The following CACNA1C variants were observed in gnomAD, a reference collection of about 807,000 sequenced individuals.
CACNA1C encodes calcium voltage-gated channel subunit alpha1 C.
In CACNA1C, 30 loss-of-function variants were observed where a neutral mutation model predicts 229.0. The observed-to-expected ratio is 0.13, with a 90% CI of 0.10 to 0.18. CACNA1C has a LOEUF of 0.18. CACNA1C is among the 10% of genes least tolerant of loss of function. The pLI, the probability that CACNA1C is intolerant of heterozygous loss-of-function variation, is 1.00. For synonymous variants in CACNA1C, 1,114 were observed against 1,132.5 expected (o/e 0.98, Z 0.33); for missense variants, 1,658 against 2,845.0 (o/e 0.58, Z 9.49).
chr12:2,037,533 G>A (rs562048129), intron 1 of CACNA1C, among the ~76,000 whole-genome samples: 1 of 152,296 alleles, frequency 6.6e-6, no homozygotes, highest in East Asian at 1.9e-4. Flanking sequence ...GGGGAGAAAA[G>A]GGTCAGAATG....
rs775571017 is a variant in CACNA1C, at chr12:2,585,466, G to T, written c.2430G>T (p.Thr810=). ...KEEKIELKSI[T]ADGESPPATK... ...AGAAGATTGAGCTGAAATCCATCAC[G>T]GCTGACGGAGAGTCTCCACCCGCCA... Residue 810 remains threonine, a synonymous_variant, in exon 17 of 47, where the codon ACG becomes ACT. Transcript: ENST00000399655. This position sits in a 1 kb window ranked among gnomAD's most constrained non-coding sequence, Gnocchi z 4.1. 4 of 1,577,408 alleles carry T rather than the reference G, an allele frequency of 2.5e-6. No individual in the cohort carries two copies. Among genetic ancestry groups the T allele is most frequent in the Non-Finnish European group, 3.4e-6 (4 of 1,160,792 alleles).
chr12:2,246,016 C>CA (rs2073039263), intron 3 of CACNA1C, among the ~76,000 whole-genome samples: 2 of 152,206 alleles, frequency 1.3e-5, no homozygotes, highest in Admixed American at 1.3e-4. Flanking sequence ...AACCTCAGTA[C>CA]CCTAACTTTG....
At chr12:2,586,900 A>T (rs534827005) in intron 18 of CACNA1C, among the ~76,000 whole-genome samples, 1 of 152,226 alleles carries the variant, frequency 6.6e-6, no homozygotes, top group African/African-American at 2.4e-5. Flanking sequence ...TATGCCCGGC[A>T]TTAAGGCTTT....
At chr12:2,538,455 C>T (rs1442209885) in intron 9 of CACNA1C, among the ~76,000 whole-genome samples, 1 of 152,004 alleles carries the variant, frequency 6.6e-6, no homozygotes, top group East Asian at 1.9e-4. Flanking sequence ...TTTCTCTTCT[C>T]TTTTTCTCTC....
chr12:2,457,070 AC>A (rs1187514149), intron 4 of CACNA1C, among the ~76,000 whole-genome samples: 1 of 152,042 alleles, frequency 6.6e-6, no homozygotes, highest in Non-Finnish European at 1.5e-5. Flanking sequence ...CGCAGCACGC[AC>A]CTCCTGAGCA....
chr12:2,672,489 T>A (rs1349203012), intron 38 of CACNA1C, among the ~76,000 whole-genome samples: 1 of 152,162 alleles, frequency 6.6e-6, no homozygotes, highest in East Asian at 1.9e-4. Context: ...AACTAAGGTG[T>A]CAGCAGAGTT....
In CACNA1C at chr12:2,688,659, C is replaced by G. The variant is rs1291561787; in HGVS notation, c.5997C>G (p.Thr1999=). Residue 1999 remains threonine, a synonymous_variant, in exon 46 of 47, where the codon ACC becomes ACG. Coordinates refer to ENST00000399655, the MANE Select transcript of CACNA1C (RefSeq NM_000719.7). ...ACTGCGGCTCCTGGGCTGAGACCAC[C>G]CCCGGTGGCGGGGGCAGCAGCGCCG... ...SIHCGSWAET[T]PGGGGSSAAR... is the part of the protein sequence containing the mutation. 23 of 1,613,584 alleles carry G rather than the reference C, an allele frequency of 1.4e-5. No individual in the cohort carries two copies. Among genetic ancestry groups the G allele is most frequent in the Non-Finnish European group, 1.6e-5 (19 of 1,179,828 alleles).
Position 1,989,207 on chromosome 12 carries a change from G to A in CACNA1C, c.139+18006G>A, listed in dbSNP as rs540689225. 2.0e-5 allele frequency among the ~76,000 whole-genome samples: 3 copies of A among 152,288 alleles called. No individual in the cohort carries two copies. In the South Asian group the frequency reaches 6.2e-4, roughly 32 times the overall value. On this transcript the variant is annotated intron_variant, in intron 1 of 46. Transcript: ENST00000682462. ...GAAACCAGCCTGGGAAACACAGCAA[G>A]ATCCTGTCTCTAAAAAGGTTGTTTT...
intron 11 of CACNA1C, among the ~76,000 whole-genome samples, chr12:2,558,822 A>T (rs1482293782): frequency 6.6e-6 from 1 of 152,210 alleles, no homozygotes; most frequent in East Asian, 1.9e-4. Flanking sequence ...TAGGACTGGA[A>T]AATACAGGCT....
At position 2,689,601 on chromosome 12, in the gene CACNA1C, C is replaced by T. The variant is rs1431905058; in HGVS notation, c.6117+822C>T. ...GTGAGCCCCCCATCATCAGACATAG[C>T]CAAGCAGAGACTGTGCTCATCCGGG... is the stretch of plus-strand genomic sequence containing the variant. On this transcript the variant is annotated intron_variant, in intron 46 of 46. Coordinates refer to ENST00000399655, the MANE Select transcript of CACNA1C (RefSeq NM_000719.7). This position sits in a 1 kb window ranked among gnomAD's most constrained non-coding sequence, Gnocchi z 4.2. Among the ~76,000 whole-genome samples the T allele has an allele frequency of 2.6e-5, 4 of 151,978 alleles. No homozygotes were observed. Among genetic ancestry groups the T allele is most frequent in the Non-Finnish European group, 5.9e-5 (4 of 68,024 alleles).
chr12:2,082,585 T>C (rs1260122006), intron 1 of CACNA1C, among the ~76,000 whole-genome samples: 1 of 152,134 alleles, frequency 6.6e-6, no homozygotes, highest in Admixed American at 6.5e-5. Flanking sequence ...CACACCTGCC[T>C]TTACCATCTG....
intron 3 of CACNA1C, among the ~76,000 whole-genome samples, chr12:2,379,555 T>G (rs1211388616): frequency 6.6e-6 from 1 of 151,880 alleles, no homozygotes; most frequent in East Asian, 1.9e-4. Flanking sequence ...CTCCTAGGAG[T>G]GTGAGGCTGT....
intron 7 of CACNA1C, among the ~76,000 whole-genome samples, chr12:2,500,698 T>C (rs2099757537): frequency 6.6e-6 from 1 of 152,150 alleles, no homozygotes; most frequent in Non-Finnish European, 1.5e-5. Flanking sequence ...CTGCCACTCT[T>C]GATCCCCTGA....
chr12:2,330,716 C>G (rs1436268867), intron 3 of CACNA1C, among the ~76,000 whole-genome samples: 1 of 152,160 alleles, frequency 6.6e-6, no homozygotes, highest in Admixed American at 6.5e-5. Context: ...CTAAAAACAA[C>G]AATGATAAAT....
chr12:2,665,969 C>T lies in CACNA1C; in HGVS notation c.4526+261C>T, dbSNP rs2096069497. ...TTTTAGAAGGCAAAGGTGGTTGAAT[C>T]ACTCGAGGCCAGGAGTTCAAGACCA... On this transcript the variant is annotated intron_variant, in intron 36 of 46. Coordinates refer to ENST00000399655, the MANE Select transcript of CACNA1C (RefSeq NM_000719.7). This position sits in a 1 kb window ranked among gnomAD's most constrained non-coding sequence, Gnocchi z 5.9. Among the ~76,000 whole-genome samples, 1 of 152,146 alleles carries T rather than the reference C, an allele frequency of 6.6e-6. No homozygotes were observed. The highest frequency in any genetic ancestry group is 6.5e-5 in the Admixed American group (1 of 15,280).
intron 8 of CACNA1C, among the ~76,000 whole-genome samples, chr12:2,505,365 A>G (rs776752357): frequency 6.6e-6 from 1 of 152,172 alleles, no homozygotes; most frequent in South Asian, 2.1e-4. Flanking sequence ...CCTTTTCTGA[A>G]TGGAAAGGAC....
intron 3 of CACNA1C, among the ~76,000 whole-genome samples, chr12:2,419,583 G>T (rs1256204837): frequency 6.6e-6 from 1 of 152,144 alleles, no homozygotes; most frequent in Non-Finnish European, 1.5e-5. Flanking sequence ...CATCAAATTA[G>T]ACTCGTTAGG....
chr12:2,289,740 G>T (rs921144674), intron 3 of CACNA1C, among the ~76,000 whole-genome samples: 2 of 152,042 alleles, frequency 1.3e-5, no homozygotes, highest in African/African-American at 2.4e-5. Flanking sequence ...GCTGCCGATG[G>T]GTACACACCG....
At chr12:2,606,016 C>G (rs1335078647) in intron 24 of CACNA1C, among the ~76,000 whole-genome samples, 3 of 152,224 alleles carry the variant, frequency 2.0e-5, no homozygotes, top group Non-Finnish European at 1.5e-5. Context: ...TTCACCTGCC[C>G]TTGAGGTCAC....
Sources: gnomAD v4.1 joint callset for allele counts (sites outside exome capture counted in the v4.1 genomes callset) on GRCh38, gnomAD v4.1.1 for gene constraint, Gnocchi (gnomAD v3.1) non-coding constraint, MANE v1.5 for transcripts, NCBI Gene and HGNC (gene_info 2026-07-23, HGNC 2026-07-21) for gene names.